LRRC4C: variants seen among roughly 807,000 people sequenced by gnomAD.
The protein encoded by LRRC4C is leucine rich repeat containing 4C.
A neutral mutation model predicts 33.6 loss-of-function variants in LRRC4C; 5 were observed. That is an observed-to-expected ratio of 0.15 (90% CI 0.08 to 0.31). The LOEUF (loss-of-function observed/expected upper bound fraction) is 0.31, where lower values mean the gene tolerates loss of function less well. Ranked by LOEUF, LRRC4C falls within the 10% of genes least tolerant of loss-of-function variation. The probability of loss-of-function intolerance (pLI) is 1.00; values close to 1 mark genes in which losing one functional copy is unlikely to be tolerated. For synonymous variants in LRRC4C, 329 were observed against 302.0 expected (o/e 1.09, Z -0.93); for missense variants, 560 against 796.7 (o/e 0.70, Z 3.58).
intron 4 of LRRC4C, among the ~76,000 whole-genome samples, chr11:40,310,123 C>T (rs1002950017): frequency 6.6e-6 from 1 of 152,120 alleles, no homozygotes; most frequent in South Asian, 2.1e-4. Flanking sequence ...CACTTATTTC[C>T]CGCAGCCCTA....
intron 1 of LRRC4C, among the ~76,000 whole-genome samples, chr11:41,265,554 A>G (rs1230027611): frequency 2.6e-5 from 4 of 152,164 alleles, no homozygotes; most frequent in Admixed American, 2.6e-4. Flanking sequence ...TCAATCTAAT[A>G]GGACTATCTA....
At chr11:40,425,524 T>A (rs953559782) in intron 3 of LRRC4C, among the ~76,000 whole-genome samples, 1 of 152,212 alleles carries the variant, frequency 6.6e-6, no homozygotes, top group African/African-American at 2.4e-5. Flanking sequence ...TCTGCTGGTG[T>A]TAATCCAGGA....
At chr11:41,168,062 T>G (rs1490492775) in intron 1 of LRRC4C, among the ~76,000 whole-genome samples, 1 of 152,162 alleles carries the variant, frequency 6.6e-6, no homozygotes, top group Non-Finnish European at 1.5e-5. Context: ...TGTTTACATT[T>G]TAGCTGTATC....
intron 3 of LRRC4C, among the ~76,000 whole-genome samples, chr11:40,494,801 C>A (rs1954344735): frequency 6.6e-6 from 1 of 152,120 alleles, no homozygotes; most frequent in Non-Finnish European, 1.5e-5. Context: ...TACTTGGATA[C>A]CACACTGTCC....
intron 1 of LRRC4C, among the ~76,000 whole-genome samples, chr11:41,059,046 G>T (rs1412808087): frequency 6.6e-6 from 1 of 151,950 alleles, no homozygotes; most frequent in Non-Finnish European, 1.5e-5. Context: ...AGACACCAGG[G>T]CTGACTTGAG....
intron 4 of LRRC4C, among the ~76,000 whole-genome samples, chr11:40,260,105 G>C (rs36149900): frequency 8.7e-6 from 1 of 115,184 alleles, no homozygotes; most frequent in Non-Finnish European, 1.9e-5. Flanking sequence ...ACATGCACAC[G>C]TATGTTTATT....
At chr11:40,865,408 T>C (rs983582465) in intron 2 of LRRC4C, among the ~76,000 whole-genome samples, 1 of 151,960 alleles carries the variant, frequency 6.6e-6, no homozygotes. Context: ...ATATTTGTTC[T>C]TGGAAAATGC....
chr11:41,377,336 C>T (rs970854547), intron 1 of LRRC4C, among the ~76,000 whole-genome samples: 1 of 152,070 alleles, frequency 6.6e-6, no homozygotes, highest in Non-Finnish European at 1.5e-5. Flanking sequence ...GCTTCTCAAC[C>T]GCTAACATGA....
rs1467078553 is a variant in LRRC4C, at chr11:40,114,947, G to A, written c.1346C>T (p.Thr449Ile). 6.2e-7 allele frequency: 1 copy of A among 1,614,084 alleles called. No homozygotes were observed. Among genetic ancestry groups the A allele is most frequent in the Non-Finnish European group, 8.5e-7 (1 of 1,180,038 alleles). Residue 449 changes from threonine to isoleucine, a missense_variant, in exon 7 of 7, where the codon ACT (threonine) becomes ATT (isoleucine). Thr to Ile is a moderately conservative substitution (Grantham distance 89). Around this residue, in one of 3 missense-constraint regions of LRRC4C, gnomAD observed 455 missense variants for 643.8 expected, o/e 0.71. Transcript: ENST00000528697. ...ATLNVTAATT[T>I]PFSYFSTVTV... ...GACGGTTGAAAAGTAAGAGAAAGGA[G>A]TAGTGGTTGCTGCAGTAACATTCAG...
chr11:40,923,019 T>C (rs1051322157), intron 2 of LRRC4C, among the ~76,000 whole-genome samples: 12 of 152,150 alleles, frequency 7.9e-5, no homozygotes, highest in African/African-American at 2.9e-4. Flanking sequence ...GAGACAGGGT[T>C]TCACCATGTT....
chr11:40,767,741 TAAG>T (rs1486367686), intron 2 of LRRC4C, among the ~76,000 whole-genome samples: 1 of 151,656 alleles, frequency 6.6e-6, no homozygotes, highest in Non-Finnish European at 1.5e-5. Context: ...ATGAATAAAT[TAAG>T]AAGAAAATGG....
At chr11:41,206,285 G>C (rs1946598627) in intron 1 of LRRC4C, among the ~76,000 whole-genome samples, 1 of 152,140 alleles carries the variant, frequency 6.6e-6, no homozygotes, top group Non-Finnish European at 1.5e-5. Context: ...AAACTGAATT[G>C]CTCAGTGTTT....
intron 1 of LRRC4C, among the ~76,000 whole-genome samples, chr11:41,111,970 A>C (rs1941858300): frequency 6.6e-6 from 1 of 152,064 alleles, no homozygotes; most frequent in African/African-American, 2.4e-5. Context: ...GAGGTTAGGC[A>C]ACAAGCAAGT....
chr11:40,549,824 G>A (rs1042085478), intron 3 of LRRC4C, among the ~76,000 whole-genome samples: 2 of 150,866 alleles, frequency 1.3e-5, no homozygotes, highest in African/African-American at 4.9e-5. Flanking sequence ...TTTAAATGGT[G>A]TTGAATCTAT....
chr11:41,116,505 G>C (rs1418607071), intron 1 of LRRC4C, among the ~76,000 whole-genome samples: 1 of 152,114 alleles, frequency 6.6e-6, no homozygotes, highest in Non-Finnish European at 1.5e-5. Context: ...TTGCAGGAAG[G>C]CTGGTGGAAA....
At chr11:41,352,463 T>G (rs79144330) in intron 1 of LRRC4C, among the ~76,000 whole-genome samples, 2,875 of 152,114 alleles carry the variant, frequency 0.019, 83 homozygotes, top group African/African-American at 0.065. Context: ...AGATCATCAA[T>G]GGAAAGACTA....
intron 1 of LRRC4C, among the ~76,000 whole-genome samples, chr11:41,110,602 C>T (rs1219735220): frequency 6.6e-6 from 1 of 152,070 alleles, no homozygotes; most frequent in Admixed American, 6.6e-5. Context: ...AGTACCTTGT[C>T]TTCCACATGA....
intron 1 of LRRC4C, among the ~76,000 whole-genome samples, chr11:41,151,549 C>G (rs767333638): frequency 6.6e-6 from 1 of 152,250 alleles, no homozygotes; most frequent in Admixed American, 6.5e-5. Context: ...TGTGAGAGAA[C>G]ATTGATCTAC....
chr11:41,073,863 A>C (rs1449182285), intron 1 of LRRC4C, among the ~76,000 whole-genome samples: 1 of 152,176 alleles, frequency 6.6e-6, no homozygotes, highest in Non-Finnish European at 1.5e-5. Flanking sequence ...TACATAATAA[A>C]GGGCTTAACA....
Sources: allele counts gnomAD v4.1 joint callset (sites outside exome capture counted in the v4.1 genomes callset), GRCh38; gene constraint gnomAD v4.1.1; regional missense constraint gnomAD v4.1.1; transcripts MANE v1.5; gene names NCBI Gene and HGNC (gene_info 2026-07-23, HGNC 2026-07-21).